GLS: variants seen among roughly 807,000 people sequenced by gnomAD.
GLS encodes the protein glutaminase, also known as glutaminase kidney isoform, mitochondrial.
A neutral mutation model predicts 86.7 loss-of-function variants in GLS; 36 were observed. That is an observed-to-expected ratio of 0.42 (90% CI 0.32 to 0.55). The LOEUF is 0.55. Among genes scored for constraint, GLS ranks in the 20% least tolerant of loss-of-function variants. The probability of loss-of-function intolerance (pLI) is 0.17; values close to 1 mark genes in which losing one functional copy is unlikely to be tolerated. For missense variants in GLS, 528 were observed against 833.4 expected, an observed-to-expected ratio of 0.63 and a Z score of 4.51; for synonymous variants, 317 against 305.9, an observed-to-expected ratio of 1.04 and a Z score of -0.38.
chr2:190,907,116 G>C (rs1689172579), intron 6 of GLS, among the ~76,000 whole-genome samples: 1 of 151,852 alleles, frequency 6.6e-6, no homozygotes, highest in Admixed American at 6.6e-5. Flanking sequence ...AGTAGAGATG[G>C]GGTTTCACTG....
At position 190,924,773 on chromosome 2, in the gene GLS, G is replaced by T; in HGVS notation, c.1248+180G>T. The T allele has an allele frequency of 4.0e-6, 2 of 504,068 alleles. No individual in the cohort carries two copies. Among genetic ancestry groups the T allele is most frequent in the Non-Finnish European group, 7.2e-6 (2 of 278,426 alleles). The allele number at this position is 504,068 out of a possible 1,614,324, so 31.2% of individuals were successfully genotyped here. A position where few individuals can be genotyped will look rare whatever the true frequency, so the allele number is the denominator to read the frequency against. On this transcript the variant is annotated intron_variant, in intron 11 of 17. Transcript: ENST00000320717. This position sits in a 1 kb window ranked among gnomAD's most constrained non-coding sequence, Gnocchi z 5.2. Reference sequence around the variant, plus strand: ...CTACTAAAAATACAAAAATTATTCGGGTGTGGTAGTGTGTGCCTGTAGTCC... The same window carrying T: ...CTACTAAAAATACAAAAATTATTCGTGTGTGGTAGTGTGTGCCTGTAGTCC...
intron 1 of GLS, among the ~76,000 whole-genome samples, chr2:190,887,402 A>T (rs1688422080): frequency 6.6e-6 from 1 of 152,180 alleles, no homozygotes; most frequent in East Asian, 1.9e-4. Context: ...TCTGCTTGAT[A>T]TGTTAAATTC....
At chr2:190,941,345 A>G (rs1039462095) in intron 14 of GLS, among the ~76,000 whole-genome samples, 2 of 152,230 alleles carry the variant, frequency 1.3e-5, no homozygotes, top group Non-Finnish European at 2.9e-5. Flanking sequence ...TTGTACATCT[A>G]TAATAAACTT....
chr2:190,961,958 T>A (rs181631809), intron 17 of GLS, among the ~76,000 whole-genome samples: 2 of 152,288 alleles, frequency 1.3e-5, no homozygotes, highest in East Asian at 3.9e-4. Context: ...TGGAGAATTT[T>A]GTAATGTAAG....
intron 12 of GLS, among the ~76,000 whole-genome samples, chr2:190,929,093 C>T (rs137886390): frequency 6.6e-6 from 1 of 151,450 alleles, no homozygotes; most frequent in East Asian, 2.0e-4. Context: ...TCTAGCAATT[C>T]TCCTATCCAG....
chr2:190,924,511 T>C lies in GLS; in HGVS notation c.1198-32T>C, dbSNP rs758677561. On this transcript the variant is annotated intron_variant, in intron 10 of 17. Coordinates refer to ENST00000320717, the MANE Select transcript of GLS (RefSeq NM_014905.5). This position sits in a 1 kb window ranked among gnomAD's most constrained non-coding sequence, Gnocchi z 5.2. ...CTACTTATGTGCATTCCTGTGTGCC[T>C]GAATTTTTAATTGCCTTTCTGGTTT... The C allele has an allele frequency of 1.3e-5, 17 of 1,354,648 alleles. No homozygotes were observed. Among genetic ancestry groups the C allele is most frequent in the Non-Finnish European group, 1.7e-5 (16 of 943,700 alleles). 83.9% of individuals were successfully genotyped at this position (1,354,648 alleles called of 1,614,324 possible). A position where few individuals can be genotyped will look rare whatever the true frequency, so the allele number is the denominator to read the frequency against.
chr2:190,905,277 TTTC>T lies in GLS; in HGVS notation c.979+112_979+114del. The T allele has an allele frequency of 1.5e-6, 1 of 675,430 alleles. No homozygotes were observed. Among genetic ancestry groups the T allele is most frequent in the Non-Finnish European group, 2.5e-6 (1 of 402,728 alleles). 41.8% of individuals were successfully genotyped at this position (675,430 alleles called of 1,614,324 possible). ...AAAATTAAAAGTATTTGTCATGTGA[TTTC>T]TATATAATCCATTGAGAGAGTTTCA... On this transcript the variant is annotated intron_variant, in intron 6 of 17. Transcript: ENST00000320717. The surrounding 1 kb of genome is among the most constrained non-coding windows in gnomAD (Gnocchi z 4.6).
chr2:190,903,006 A>T (rs1688999595), intron 5 of GLS, among the ~76,000 whole-genome samples: 1 of 152,194 alleles, frequency 6.6e-6, no homozygotes, highest in Non-Finnish European at 1.5e-5. Flanking sequence ...TTTAGATTTT[A>T]CTTTTCAAGA....
chr2:190,900,638 T>C lies in GLS; in HGVS notation c.680T>C (p.Phe227Ser). The C allele has an allele frequency of 6.2e-7, 1 of 1,605,600 alleles. No individual in the cohort carries two copies. Among genetic ancestry groups the C allele is most frequent in the South Asian group, 1.1e-5 (1 of 90,842 alleles). The change falls in exon 4 of 18, where the codon TTT becomes TCT. Residue 227 changes from phenylalanine (F) to serine (S), a missense_variant. This residue lies in a region of GLS where 111 missense variants were observed against 179.5 expected (regional missense o/e 0.62). Coordinates refer to ENST00000320717, the MANE Select transcript of GLS (RefSeq NM_014905.5). ...RKFVIPDFMS[F>S]TSHIDELYES... ...TTTGTGATTCCTGACTTTATGTCTT[T>C]TACCTCACACATTGATGAGTTATAT...
intron 1 of GLS, among the ~76,000 whole-genome samples, chr2:190,883,609 G>A (rs1448290091): frequency 6.6e-6 from 1 of 152,240 alleles, no homozygotes; most frequent in Non-Finnish European, 1.5e-5. Context: ...TGTAAAGCCT[G>A]TTAAAGAGAT....
rs1690086436 is a variant in GLS at position 190,930,841 on chromosome 2, A to T, written c.1557+273A>T. On this transcript the variant is annotated intron_variant, in intron 13 of 17. Transcript: ENST00000320717. The surrounding 1 kb of genome is among the most constrained non-coding windows in gnomAD (Gnocchi z 5.0). Reference sequence around the variant, plus strand: ...GTATGAATTTTCAAAAGCTCAACAAAAGGTATTAAACTTGGAGAAGTAATT... The same window carrying T: ...GTATGAATTTTCAAAAGCTCAACAATAGGTATTAAACTTGGAGAAGTAATT... 6.6e-6 allele frequency among the ~76,000 whole-genome samples: 1 copy of T among 152,226 alleles called. No individual in the cohort carries two copies. Among genetic ancestry groups the T allele is most frequent in the African/African-American group, 2.4e-5 (1 of 41,454 alleles).
In GLS at chr2:190,897,191, CT is replaced by C. The variant is rs1243999867; in HGVS notation, c.605+1472del. The stretch of plus-strand genomic sequence containing the variant: ...TAAGGGCGCCTGCCACCATGCCTGG[CT>C]TTTTTGTATTTTTAGTGAGACGGGG... On this transcript the variant is annotated intron_variant, in intron 3 of 17. Transcript: ENST00000320717. The surrounding 1 kb of genome is among the most constrained non-coding windows in gnomAD (Gnocchi z 4.3). Among the ~76,000 whole-genome samples, 2 of 151,980 alleles carry C rather than the reference CT, an allele frequency of 1.3e-5. No homozygotes were observed. The highest frequency in any genetic ancestry group is 2.9e-5 in the Non-Finnish European group (2 of 67,972).
intron 6 of GLS, among the ~76,000 whole-genome samples, chr2:190,908,539 C>T (rs957500119): frequency 6.6e-5 from 10 of 152,292 alleles, no homozygotes; most frequent in South Asian, 4.1e-4. Context: ...TCTGATATTT[C>T]GTTACTTTAA....
At chr2:190,929,719 C>T (rs1319764959) in intron 12 of GLS, among the ~76,000 whole-genome samples, 2 of 152,136 alleles carry the variant, frequency 1.3e-5, no homozygotes, top group African/African-American at 2.4e-5. Context: ...ATCTGCCCAC[C>T]TCGGCCTCCC....
In GLS at chr2:190,895,519, A is replaced by G; in HGVS notation, c.484-85A>G. ...TCAAGTGTTGGGTAGAAGTTTTTAT[A>G]TACAGGAATAAAATCTTATAGTTGG... is the stretch of plus-strand genomic sequence containing the variant. On this transcript the variant is annotated intron_variant, in intron 2 of 17. Coordinates refer to ENST00000320717, the MANE Select transcript of GLS (RefSeq NM_014905.5). This position sits in a 1 kb window ranked among gnomAD's most constrained non-coding sequence, Gnocchi z 4.2. The G allele has an allele frequency of 4.2e-6, 4 of 941,872 alleles. No homozygotes were observed. The highest frequency in any genetic ancestry group is 6.3e-6 in the Non-Finnish European group (4 of 633,054). The allele number at this position is 941,872 out of a possible 1,614,324, so 58.3% of individuals were successfully genotyped here.
Position 190,881,312 on chromosome 2 carries a change from T to G in GLS, c.228T>G (p.Pro76=). The G allele has an allele frequency of 6.6e-7, 1 of 1,511,640 alleles. No homozygotes were observed. Among genetic ancestry groups the G allele is most frequent in the Non-Finnish European group, 8.8e-7 (1 of 1,130,448 alleles). 93.6% of individuals were successfully genotyped at this position (1,511,640 alleles called of 1,614,324 possible). A position where few individuals can be genotyped will look rare whatever the true frequency, so the allele number is the denominator to read the frequency against. ...TCGCGCGGGGCCTGTCCAGCTCTCC[T>G]TCGGAGATCTTGCAGGAGCTGGGCA... ...EPLARGLSSS[P]SEILQELGKG... Residue 76 remains proline, a synonymous_variant, in exon 1 of 18, where the codon CCT becomes CCG. Coordinates refer to ENST00000320717, the MANE Select transcript of GLS (RefSeq NM_014905.5).
rs1446031275 is a variant in GLS at position 190,956,215 on chromosome 2, G to A, written c.1853+1397G>A. ...TTTGCCCATGCCTATGTCCTGAATG[G>A]TATTGCCTAGGTTTTCTTCTAGGGT... On this transcript the variant is annotated intron_variant, in intron 17 of 17. Coordinates refer to ENST00000320717, the MANE Select transcript of GLS (RefSeq NM_014905.5). This position sits in a 1 kb window ranked among gnomAD's most constrained non-coding sequence, Gnocchi z 4.2. 1.3e-5 allele frequency among the ~76,000 whole-genome samples: 2 copies of A among 152,174 alleles called. No homozygotes were observed. The highest frequency in any genetic ancestry group is 4.8e-5 in the African/African-American group (2 of 41,430).
intron 1 of GLS, among the ~76,000 whole-genome samples, chr2:190,890,983 G>A (rs1445756118): frequency 6.6e-6 from 1 of 151,980 alleles, no homozygotes; most frequent in Non-Finnish European, 1.5e-5. Context: ...AGACCATACA[G>A]TTGGTTTCAA....
intron 17 of GLS, among the ~76,000 whole-genome samples, chr2:190,961,004 T>C (rs1392661187): frequency 6.6e-6 from 1 of 152,202 alleles, no homozygotes; most frequent in Non-Finnish European, 1.5e-5. Flanking sequence ...ATGTAATACA[T>C]GTTGGAAATA....
Sources: gnomAD v4.1 joint callset for allele counts (sites outside exome capture counted in the v4.1 genomes callset) on GRCh38, gnomAD v4.1.1 for gene constraint, gnomAD v4.1.1 regional missense constraint, Gnocchi (gnomAD v3.1) non-coding constraint, MANE v1.5 for transcripts, NCBI Gene and HGNC (gene_info 2026-07-23, HGNC 2026-07-21) for gene names.